UBR4: variants seen among roughly 807,000 people sequenced by gnomAD.
UBR4 encodes E3 ubiquitin-protein ligase UBR4.
Under a neutral mutation model 575.6 loss-of-function variants are expected in UBR4, and 124 were observed. That is an observed-to-expected ratio of 0.22 (90% confidence interval 0.19 to 0.25). UBR4 has a LOEUF of 0.25. Ranked by LOEUF, UBR4 falls within the 10% of genes least tolerant of loss-of-function variation. UBR4 has a pLI of 1.00. For missense variants in UBR4, 4,818 were observed against 6,478.8 expected (o/e 0.74, Z 8.80); for synonymous variants, 2,455 against 2,473.7 (o/e 0.99, Z 0.22).
In UBR4 at chr1:19,097,310, T is replaced by G. The variant is rs766419118; in HGVS notation, c.13303-30A>C. The G allele has an allele frequency of 3.7e-6, 6 of 1,603,046 alleles. No individual in the cohort carries two copies. The Admixed American group carries it at 8.5e-5, about 23-fold the overall frequency. The stretch of plus-strand genomic sequence containing the variant: ...GCAGAGAAAGTTGGAGAAAGGTACT[T>G]AAAAACAGGCCCAGACAAATGCAAA... On this transcript the variant is annotated intron_variant, in intron 90 of 105. Transcript: ENST00000375254.
intron 55 of UBR4, among the ~76,000 whole-genome samples, chr1:19,143,181 A>G (rs939742078): frequency 6.7e-6 from 1 of 149,942 alleles, no homozygotes; most frequent in African/African-American, 2.5e-5. Context: ...GAAGGAAGAA[A>G]AAAGAAAGAA....
At chr1:19,178,597 A>G (rs1189916858) in intron 18 of UBR4, among the ~76,000 whole-genome samples, 1 of 152,242 alleles carries the variant, frequency 6.6e-6, no homozygotes, top group Non-Finnish European at 1.5e-5. Context: ...CCATGTAAAC[A>G]AAAATGGCAA....
chr1:19,199,732 T>C lies in UBR4; in HGVS notation c.297A>G (p.Ser99=), dbSNP rs2092653007. 1.2e-6 allele frequency: 2 copies of C among 1,614,046 alleles called. No individual in the cohort carries two copies. The highest frequency in any genetic ancestry group is 1.7e-6 in the Non-Finnish European group (2 of 1,180,018). ...CSLIPRNQLQ[S]VAAACKVLIE... ...TTAGAACTTTACAGGCTGCTGCCAC[T>C]GACTGAAGTTGGTTCCGGGGAACTG... The change falls in exon 3 of 106, where the codon TCA becomes TCG. Residue 99 remains serine (S), a synonymous_variant. Transcript: ENST00000375254.
At chr1:19,133,076 G>C (rs2082723344) in intron 60 of UBR4, among the ~76,000 whole-genome samples, 1 of 152,148 alleles carries the variant, frequency 6.6e-6, no homozygotes. Flanking sequence ...TCTAGAGCAA[G>C]AGAAAAGGGG....
chr1:19,137,361 C>T (rs1339445169), intron 60 of UBR4, among the ~76,000 whole-genome samples: 1 of 151,760 alleles, frequency 6.6e-6, no homozygotes, highest in African/African-American at 2.4e-5. Context: ...CTGACCTCAA[C>T]AAATTCAACA....
chr1:19,097,566 T>C (rs1400218262), intron 90 of UBR4, among the ~76,000 whole-genome samples: 2 of 152,260 alleles, frequency 1.3e-5, no homozygotes, highest in Admixed American at 6.5e-5. Flanking sequence ...CAAATATTTA[T>C]TGAATGTTTT....
At chr1:19,107,375 A>G (rs1473525269) in intron 81 of UBR4, among the ~76,000 whole-genome samples, 1 of 152,214 alleles carries the variant, frequency 6.6e-6, no homozygotes, top group Non-Finnish European at 1.5e-5. Context: ...ACTCCAGTCC[A>G]GCGTGTCTCA....
rs539841076 is a variant in UBR4, at chr1:19,174,874, T to C, written c.2853+80A>G. On this transcript the variant is annotated intron_variant, in intron 21 of 105. Coordinates refer to ENST00000375254, the MANE Select transcript of UBR4 (RefSeq NM_020765.3). ...TTTCCTCACTATAAAAAGTCAGTCA[T>C]TCCCTTTCCCCCCAGTAGGCTGATT... 94 of 1,336,292 alleles carry C rather than the reference T, an allele frequency of 7.0e-5. No homozygotes were observed. In the Middle Eastern group the frequency reaches 1.1e-3, roughly 16 times the overall value. The allele number at this position is 1,336,292 out of a possible 1,614,324, so 82.8% of individuals were successfully genotyped here.
At chr1:19,137,804 C>T (rs554840346) in intron 60 of UBR4, among the ~76,000 whole-genome samples, 2 of 152,322 alleles carry the variant, frequency 1.3e-5, no homozygotes, top group Non-Finnish European at 2.9e-5. Flanking sequence ...TTTCTATTCT[C>T]TCCGTAATTA....
At position 19,093,284 on chromosome 1, in the gene UBR4, A is replaced by G. The variant is rs371507422; in HGVS notation, c.14111+29T>C. 6.2e-7 allele frequency: 1 copy of G among 1,606,674 alleles called. No homozygotes were observed. ...AAAGGAAAGGGCAAAGCGAAGGCAA[A>G]GCAGCCCCGCTGCGGGAGGGCTTCA... On this transcript the variant is annotated intron_variant, in intron 96 of 105. Transcript: ENST00000375254. The surrounding 1 kb of genome is among the most constrained non-coding windows in gnomAD (Gnocchi z 4.8).
chr1:19,098,024 C>G (rs1384589560), intron 90 of UBR4, among the ~76,000 whole-genome samples: 1 of 152,190 alleles, frequency 6.6e-6, no homozygotes, highest in Admixed American at 6.5e-5. Flanking sequence ...ATATTATTCT[C>G]ATTTTGCAGA....
chr1:19,105,671 G>T, intron 84 of UBR4, 62 bp downstream of exon 84: 1 of 1,262,502 alleles, frequency 7.9e-7, no homozygotes, highest in Non-Finnish European at 1.1e-6. Flanking sequence ...GATTCCCCGG[G>T]GAAGATGAAA....
rs1447920023 is a variant in UBR4, at chr1:19,184,052, T to C, written c.2062A>G (p.Ser688Gly). The change falls in exon 16 of 106, where the codon AGT (serine) becomes GGT (glycine). Residue 688 changes from serine (S) to glycine (G), a missense_variant. Around this residue, in one of 29 missense-constraint regions of UBR4, gnomAD observed 1,172 missense variants for 1,259.7 expected, o/e 0.93. Coordinates refer to ENST00000375254, the MANE Select transcript of UBR4 (RefSeq NM_020765.3). ...LSEHHMATLA[S>G]IIKEVDKDGL... ...TCTTTGTCCACCTCCTTGATGATAC[T>C]GGCTAGGGTGGCCATATGGTGTTCT... 5.6e-6 allele frequency: 9 copies of C among 1,614,156 alleles called. No homozygotes were observed. Among genetic ancestry groups the C allele is most frequent in the Non-Finnish European group, 6.8e-6 (8 of 1,180,004 alleles).
chr1:19,075,020 C>A, intron 105 of UBR4, 124 bp from the exon 106 acceptor site: 1 of 955,146 alleles, frequency 1.0e-6, no homozygotes, highest in South Asian at 1.4e-5. Context: ...CCCGGCTGCT[C>A]ACTGGACAGC....
At chr1:19,159,567 T>C (rs191441201) in intron 39 of UBR4, among the ~76,000 whole-genome samples, 120 of 152,068 alleles carry the variant, frequency 7.9e-4, no homozygotes, top group Non-Finnish European at 1.4e-3. Flanking sequence ...ATTCTCTTCA[T>C]TGGCCAAAAT....
chr1:19,193,631 C>T (rs1173283514), intron 8 of UBR4, 74 bp from the exon 9 acceptor site: 5 of 1,511,044 alleles, frequency 3.3e-6, no homozygotes, highest in Non-Finnish European at 4.4e-6. Flanking sequence ...CACAAAAGCA[C>T]ACCCCACCCA....
chr1:19,154,194 C>T (rs1266365803), intron 44 of UBR4, among the ~76,000 whole-genome samples: 3 of 152,170 alleles, frequency 2.0e-5, no homozygotes, highest in African/African-American at 7.2e-5. Flanking sequence ...ACAGGTGGCC[C>T]TATGTGCCTA....
intron 11 of UBR4, 22 bp from the exon 12 acceptor site, chr1:19,187,562 C>T (rs376086361): frequency 4.7e-5 from 76 of 1,604,210 alleles, no homozygotes; most frequent in Non-Finnish European, 5.8e-5. Context: ...AAAAGGAAAA[C>T]ACAATCCTTA....
intron 44 of UBR4, among the ~76,000 whole-genome samples, chr1:19,154,142 T>C: frequency 6.6e-6 from 1 of 152,170 alleles, no homozygotes; most frequent in East Asian, 1.9e-4. Context: ...GGCAGGGCAG[T>C]CCTCATTTGG....
Sources: allele counts gnomAD v4.1 joint callset (sites outside exome capture counted in the v4.1 genomes callset), GRCh38; gene constraint gnomAD v4.1.1; regional missense constraint gnomAD v4.1.1; non-coding constraint Gnocchi (gnomAD v3.1); transcripts MANE v1.5; gene names NCBI Gene and HGNC (gene_info 2026-07-23, HGNC 2026-07-21).